The following KDM4C variants were observed in gnomAD, a reference collection of about 807,000 sequenced individuals.
The protein encoded by KDM4C is lysine-specific demethylase 4C.
Under a neutral mutation model 129.3 loss-of-function variants are expected in KDM4C, and 81 were observed. The observed-to-expected ratio is 0.63, with a 90% CI of 0.52 to 0.75. KDM4C has a LOEUF of 0.75. KDM4C is among the 30% of genes least tolerant of loss of function. The probability of loss-of-function intolerance (pLI) is 0.00; values close to 1 mark genes in which losing one functional copy is unlikely to be tolerated. For synonymous variants in KDM4C, 573 were observed against 456.1 expected, an observed-to-expected ratio of 1.26 and a Z score of -3.26; for missense variants, 1,457 against 1,304.0, an observed-to-expected ratio of 1.12 and a Z score of -1.81.
intron 8 of KDM4C, among the ~76,000 whole-genome samples, chr9:6,906,435 G>T (rs953476017): frequency 1.3e-5 from 2 of 152,148 alleles, no homozygotes; most frequent in Non-Finnish European, 2.9e-5. Context: ...CGAATTGGGA[G>T]ATTAGTGACT....
intron 8 of KDM4C, among the ~76,000 whole-genome samples, chr9:6,894,373 T>A (rs1456377418): frequency 6.6e-6 from 1 of 152,234 alleles, no homozygotes; most frequent in Non-Finnish European, 1.5e-5. Flanking sequence ...TACTACTACT[T>A]CACATTGTAC....
intron 17 of KDM4C, among the ~76,000 whole-genome samples, chr9:7,063,168 T>G (rs957352582): frequency 6.6e-6 from 1 of 152,234 alleles, no homozygotes; most frequent in African/African-American, 2.4e-5. Flanking sequence ...TGGTACCGTA[T>G]GTAAGAGATA....
chr9:7,059,170 AG>A (rs1438034312), intron 17 of KDM4C, among the ~76,000 whole-genome samples: 4 of 152,082 alleles, frequency 2.6e-5, no homozygotes, highest in African/African-American at 7.2e-5. Context: ...TTGTTTTTGG[AG>A]CAGGGTCTTG....
At chr9:7,067,319 C>T (rs181946750) in intron 17 of KDM4C, among the ~76,000 whole-genome samples, 4 of 152,338 alleles carry the variant, frequency 2.6e-5, no homozygotes, top group Admixed American at 2.0e-4. Flanking sequence ...CCACAACGTA[C>T]GTTCTGCATA....
chr9:6,755,657 G>A (rs1305264738), upstream of KDM4C, among the ~76,000 whole-genome samples: 2 of 152,234 alleles, frequency 1.3e-5, no homozygotes, highest in African/African-American at 2.4e-5. Context: ...GGGAATCTAT[G>A]TATTGTTCAT....
chr9:7,113,458 A>T (rs1214022390), intron 18 of KDM4C, among the ~76,000 whole-genome samples: 1 of 152,160 alleles, frequency 6.6e-6, no homozygotes, highest in East Asian at 1.9e-4. Flanking sequence ...ACATTTTTGA[A>T]CCCTATTCAG....
chr9:6,740,360 C>T (rs1043955031), intron 1 of KDM4C, among the ~76,000 whole-genome samples: 2 of 151,998 alleles, frequency 1.3e-5, no homozygotes, highest in Admixed American at 6.6e-5. Context: ...CCCGTCACCC[C>T]ACCTGGCTAA....
chr9:6,913,653 A>G (rs962586187), intron 8 of KDM4C, among the ~76,000 whole-genome samples: 18 of 152,204 alleles, frequency 1.2e-4, no homozygotes, highest in African/African-American at 4.1e-4. Context: ...GTGACAGCCA[A>G]CCTGGCTGCC....
chr9:6,731,343 T>TTTTTTTTTTA (rs1817328854), intron 1 of KDM4C, among the ~76,000 whole-genome samples: 1 of 141,194 alleles, frequency 7.1e-6, no homozygotes. Context: ...TTTTTTTTTT[T>TTTTTTTTTTA]GAGACTGAGT....
intron 16 of KDM4C, among the ~76,000 whole-genome samples, chr9:7,047,639 G>T (rs993581179): frequency 1.3e-5 from 2 of 151,978 alleles, no homozygotes; most frequent in African/African-American, 4.8e-5. Context: ...GCACTTGAGG[G>T]CCAGATTCAT....
intron 15 of KDM4C, among the ~76,000 whole-genome samples, chr9:7,031,684 GTGTA>G (rs771351892): frequency 1.3e-5 from 2 of 151,968 alleles, no homozygotes; most frequent in East Asian, 1.9e-4. Context: ...ATATGTGTGT[GTGTA>G]TGTGTGTGTG....
At chr9:6,858,287 G>A (rs564914409) in intron 5 of KDM4C, among the ~76,000 whole-genome samples, 19 of 152,006 alleles carry the variant, frequency 1.2e-4, no homozygotes, top group East Asian at 5.8e-4. Flanking sequence ...CAGTAAGGGC[G>A]TGTAAATTCC....
At chr9:7,169,684 C>T in intron 20 of KDM4C, 114 bp from the exon 21 acceptor site, 1 of 797,962 alleles carries the variant, frequency 1.3e-6, no homozygotes, top group South Asian at 2.1e-5. Flanking sequence ...TTGGCTGGTT[C>T]CCTTGTTTGT....
Position 7,153,193 on chromosome 9 carries a change from C to T in KDM4C, c.2782-12045C>T, listed in dbSNP as rs566399578. Among the ~76,000 whole-genome samples the T allele has an allele frequency of 4.9e-4, 74 of 152,226 alleles. No homozygotes were observed. The East Asian group carries it at 0.01, about 21-fold the overall frequency. ...GCTCAAGTGATCCTTCCACCTTGGC[C>T]GCCCAAAGTGCTGGGATTACACTTT... is the stretch of plus-strand genomic sequence containing the variant. On this transcript the variant is annotated intron_variant, in intron 19 of 21. Transcript: ENST00000381309.
chr9:7,025,785 G>C lies in KDM4C; in HGVS notation c.2259+9856G>C, dbSNP rs149709172. On this transcript the variant is annotated intron_variant, in intron 15 of 21. Coordinates refer to ENST00000381309, the MANE Select transcript of KDM4C (RefSeq NM_015061.6). ...TTTAGTCTTTCTCCTTAAGATCAGAGTATTTTATATATCACATTTACAGTG... is the reference window on the plus strand; with the variant it reads ...TTTAGTCTTTCTCCTTAAGATCAGACTATTTTATATATCACATTTACAGTG... 3.0e-3 allele frequency among the ~76,000 whole-genome samples: 454 copies of C among 152,260 alleles called. 2 individuals carry two copies. Among genetic ancestry groups the C allele is most frequent in the Non-Finnish European group, 5.4e-3 (370 of 68,012 alleles).
At chr9:6,965,612 G>A (rs1249928948) in intron 8 of KDM4C, among the ~76,000 whole-genome samples, 1 of 152,172 alleles carries the variant, frequency 6.6e-6, no homozygotes, top group Non-Finnish European at 1.5e-5. Context: ...CTGAGAGCTG[G>A]CATTCTTGAG....
intron 19 of KDM4C, among the ~76,000 whole-genome samples, chr9:7,133,320 A>T (rs1251534123): frequency 6.6e-6 from 1 of 152,162 alleles, no homozygotes; most frequent in Non-Finnish European, 1.5e-5. Flanking sequence ...TACTTGTCAG[A>T]TTAGATGAGA....
chr9:6,862,334 C>T (rs186466668), intron 5 of KDM4C, among the ~76,000 whole-genome samples: 32 of 152,248 alleles, frequency 2.1e-4, no homozygotes, highest in Non-Finnish European at 4.0e-4. Flanking sequence ...TTAACAGAAA[C>T]ATTTGACCAT....
In KDM4C at chr9:6,986,468, C is replaced by G; in HGVS notation, c.1479C>G (p.Gly493=). The part of the protein sequence containing the change: ...EADDSIPLSS[G]YEKPEKSDPS... ...ATGATTCCATTCCATTGTCTAGTGG[C>G]TATGAGAAGCCCGAGAAATCAGACC... The change falls in exon 11 of 22, where the codon GGC becomes GGG. Residue 493 remains glycine, a synonymous_variant. Transcript: ENST00000381309. 1 of 1,614,116 alleles carries G rather than the reference C, an allele frequency of 6.2e-7. No homozygotes were observed. The highest frequency in any genetic ancestry group is 8.5e-7 in the Non-Finnish European group (1 of 1,180,006).
Sources: gnomAD v4.1 joint callset for allele counts (sites outside exome capture counted in the v4.1 genomes callset) on GRCh38, gnomAD v4.1.1 for gene constraint, MANE v1.5 for transcripts, NCBI Gene and HGNC (gene_info 2026-07-23, HGNC 2026-07-21) for gene names.